Variants in PID1 observed in about 807,000 individuals in gnomAD.
PID1 encodes the protein PTB-containing, cubilin and LRP1-interacting protein.
A neutral mutation model predicts 19.1 loss-of-function variants in PID1; 10 were observed. That is an observed-to-expected ratio of 0.52 (90% CI 0.32 to 0.89). The LOEUF is 0.89. PID1 is among the 40% of genes least tolerant of loss of function. PID1 has a pLI of 0.03. For synonymous variants in PID1, 130 were observed against 116.0 expected (o/e 1.12, Z -0.78); for missense variants, 248 against 285.3 (o/e 0.87, Z 0.94).
intron 2 of PID1, among the ~76,000 whole-genome samples, chr2:229,071,915 AT>A (rs1694462398): frequency 6.6e-6 from 1 of 152,236 alleles, no homozygotes; most frequent in East Asian, 1.9e-4. Context: ...AATGGAAATC[AT>A]TTTCTATGCC....
chr2:229,051,648 C>T (rs1311979900), intron 2 of PID1, among the ~76,000 whole-genome samples: 5 of 152,156 alleles, frequency 3.3e-5, no homozygotes, highest in African/African-American at 4.8e-5. Context: ...CTTTTTAAAG[C>T]TAACAGTCCA....
At chr2:229,169,269 C>T (rs1041926587) in intron 1 of PID1, among the ~76,000 whole-genome samples, 1 of 152,096 alleles carries the variant, frequency 6.6e-6, no homozygotes, top group Admixed American at 6.6e-5. Flanking sequence ...CATTTGTAGC[C>T]TCTTTTGGGA....
Position 229,056,228 on chromosome 2 carries a change from C to A in PID1, c.178-30120G>T, listed in dbSNP as rs1177924043. Among the ~76,000 whole-genome samples the A allele has an allele frequency of 2.6e-5, 4 of 152,260 alleles. No homozygotes were observed. The East Asian group carries it at 7.7e-4, about 29-fold the overall frequency. On this transcript the variant is annotated intron_variant, in intron 2 of 2. Coordinates refer to ENST00000392055, the MANE Select transcript of PID1 (RefSeq NM_001100818.2). ...TAAAATCCACAGAATAAAGCCCCAACCTCTGGAAGACTAGATGACTAATGA... is the reference window on the plus strand; with the variant it reads ...TAAAATCCACAGAATAAAGCCCCAAACTCTGGAAGACTAGATGACTAATGA...
intron 2 of PID1, among the ~76,000 whole-genome samples, chr2:229,148,471 G>A (rs951418395): frequency 6.6e-6 from 1 of 152,194 alleles, no homozygotes; most frequent in African/African-American, 2.4e-5. Context: ...TGGACAGGGT[G>A]AAGAGGGAGG....
chr2:229,129,429 A>AAG (rs1246450348), intron 2 of PID1, among the ~76,000 whole-genome samples: 263 of 151,466 alleles, frequency 1.7e-3, no homozygotes, highest in Middle Eastern at 3.4e-3. Context: ...AAAAAAAAAA[A>AAG]AGAGAGAGAG....
chr2:229,187,748 C>G (rs1439784494), intron 1 of PID1, among the ~76,000 whole-genome samples: 1 of 152,116 alleles, frequency 6.6e-6, no homozygotes, highest in African/African-American at 2.4e-5. Context: ...AAAAACAAAA[C>G]AAAAATCCTC....
At chr2:229,114,174 A>ACACACACACAC (rs1695363067) in intron 2 of PID1, among the ~76,000 whole-genome samples, 1 of 124,574 alleles carries the variant, frequency 8.0e-6, no homozygotes, top group African/African-American at 2.8e-5. Flanking sequence ...TCTCCACACA[A>ACACACACACAC]ACACACACAC....
intron 2 of PID1, among the ~76,000 whole-genome samples, chr2:229,096,265 A>C (rs1694969071): frequency 6.6e-6 from 1 of 152,190 alleles, no homozygotes; most frequent in Non-Finnish European, 1.5e-5. Flanking sequence ...AGAGAAGGGA[A>C]TCACAATGCT....
intron 1 of PID1, among the ~76,000 whole-genome samples, chr2:229,163,133 G>C (rs769702906): frequency 1.8e-4 from 27 of 152,098 alleles, no homozygotes; most frequent in Non-Finnish European, 3.2e-4. Context: ...CATGCTAAGA[G>C]TTTGTCTATT....
chr2:229,149,169 C>T (rs887205160), intron 2 of PID1, among the ~76,000 whole-genome samples: 2 of 151,298 alleles, frequency 1.3e-5, no homozygotes, highest in Admixed American at 6.6e-5. Context: ...CAAGAAATGC[C>T]CCAAATGGCC....
At chr2:229,038,828 T>G (rs984229175) in intron 2 of PID1, among the ~76,000 whole-genome samples, 1 of 152,212 alleles carries the variant, frequency 6.6e-6, no homozygotes, top group Non-Finnish European at 1.5e-5. Flanking sequence ...TCTAATCTTA[T>G]TGTCAACTTG....
At chr2:229,209,194 CA>C (rs1691674429) in intron 1 of PID1, among the ~76,000 whole-genome samples, 1 of 152,166 alleles carries the variant, frequency 6.6e-6, no homozygotes, top group Non-Finnish European at 1.5e-5. Context: ...CTGTGCTGGC[CA>C]AAGGAACTAT....
chr2:229,108,158 T>C (rs1695216579), intron 2 of PID1, among the ~76,000 whole-genome samples: 1 of 152,258 alleles, frequency 6.6e-6, no homozygotes, highest in Non-Finnish European at 1.5e-5. Flanking sequence ...GAATACACTA[T>C]TTGCTAACTG....
At chr2:229,093,447 A>C (rs150028996) in intron 2 of PID1, among the ~76,000 whole-genome samples, 13 of 151,672 alleles carry the variant, frequency 8.6e-5, no homozygotes, top group African/African-American at 2.9e-4. Flanking sequence ...TTTCCTCTCC[A>C]ATCCTCCTTG....
intron 1 of PID1, among the ~76,000 whole-genome samples, chr2:229,242,009 GTGTTTTTGTTTTTGTTTT>G (rs80223945): frequency 1.3e-5 from 2 of 151,094 alleles, no homozygotes; most frequent in African/African-American, 4.9e-5. Context: ...CAGTAAATCA[GTGTTTTTGTTTTTGTTTT>G]TGTTTTTGTT....
intron 1 of PID1, among the ~76,000 whole-genome samples, chr2:229,196,711 T>C (rs1691385963): frequency 6.6e-6 from 1 of 152,070 alleles, no homozygotes; most frequent in Non-Finnish European, 1.5e-5. Context: ...CCCAGCTCCA[T>C]CATTATTAAT....
chr2:229,240,137 T>C (rs1192785179), intron 1 of PID1, among the ~76,000 whole-genome samples: 2 of 152,156 alleles, frequency 1.3e-5, no homozygotes, highest in Admixed American at 6.5e-5. Flanking sequence ...TTATTACAGA[T>C]GCAAACAGAT....
chr2:229,237,653 TA>T (rs1412951993), intron 1 of PID1, among the ~76,000 whole-genome samples: 2 of 152,174 alleles, frequency 1.3e-5, no homozygotes, highest in Non-Finnish European at 2.9e-5. Context: ...GTGTTTTGCT[TA>T]AAATTGAAGG....
At chr2:229,243,537 T>C (rs1269237225) in intron 1 of PID1, among the ~76,000 whole-genome samples, 1 of 152,166 alleles carries the variant, frequency 6.6e-6, no homozygotes. Flanking sequence ...ATGCCTGGTA[T>C]AGTACCTGGC....
Sources: gnomAD v4.1 joint callset for allele counts (sites outside exome capture counted in the v4.1 genomes callset) on GRCh38, gnomAD v4.1.1 for gene constraint, MANE v1.5 for transcripts, NCBI Gene and HGNC (gene_info 2026-07-23, HGNC 2026-07-21) for gene names.